The following STK32C variants were observed in gnomAD, a reference collection of about 807,000 sequenced individuals.
The protein encoded by STK32C is serine/threonine-protein kinase 32C.
A neutral mutation model predicts 56.5 loss-of-function variants in STK32C; 31 were observed. That is an observed-to-expected ratio of 0.55 (90% confidence interval 0.41 to 0.74). STK32C has a LOEUF of 0.74. Ranked by LOEUF, STK32C falls within the 30% of genes least tolerant of loss-of-function variation. STK32C has a pLI of 0.00. For synonymous variants in STK32C, 309 were observed against 289.4 expected (o/e 1.07, Z -0.69); for missense variants, 544 against 676.9 (o/e 0.80, Z 2.18).
intron 10 of STK32C, among the ~76,000 whole-genome samples, chr10:132,212,434 A>G (rs1008098977): frequency 1.3e-5 from 2 of 152,344 alleles, no homozygotes; most frequent in East Asian, 1.9e-4. Context: ...AATGAATCAC[A>G]CAGCTAAACG....
chr10:132,331,798 A>G, exon 1 of STK32C: 1 of 1,599,368 alleles, frequency 6.3e-7, no homozygotes, highest in Non-Finnish European at 8.5e-7. Context: ...CGCGGTCTCT[A>G]CTTGCCCGTC....
intron 1 of STK32C, among the ~76,000 whole-genome samples, chr10:132,318,655 A>G (rs185071445): frequency 5.5e-4 from 83 of 152,172 alleles, no homozygotes; most frequent in Non-Finnish European, 1.0e-3. Flanking sequence ...AAAAGAAAAA[A>G]CATTTCACCA....
intron 1 of STK32C, among the ~76,000 whole-genome samples, chr10:132,316,129 A>G (rs2138442512): frequency 6.6e-6 from 1 of 152,342 alleles, no homozygotes; most frequent in African/African-American, 2.4e-5. Flanking sequence ...CAATGTATAC[A>G]TATTCTGAAA....
Position 132,328,123 on chromosome 10 carries a change from G to A in STK32C, c.301+3313C>T, listed in dbSNP as rs185517926. Among the ~76,000 whole-genome samples the A allele has an allele frequency of 2.5e-4, 38 of 152,304 alleles. No homozygotes were observed. In the East Asian group the frequency reaches 5.2e-3, roughly 21 times the overall value. On this transcript the variant is annotated intron_variant, in intron 1 of 1. Transcript: ENST00000368619. ...GGAGAAAGAGTAATTAACGCAGAGC[G>A]GGCTGTGCAGGAGACCGGAGTTCTA...
chr10:132,222,527 G>C, intron 10 of STK32C, 114 bp downstream of exon 10: 3 of 1,353,988 alleles, frequency 2.2e-6, no homozygotes, highest in Non-Finnish European at 3.0e-6. Flanking sequence ...GAAACGGTCT[G>C]CTGGACTTCC....
intron 1 of STK32C, among the ~76,000 whole-genome samples, chr10:132,278,153 C>T (rs918183933): frequency 3.3e-5 from 5 of 152,162 alleles, no homozygotes; most frequent in Non-Finnish European, 5.9e-5. Context: ...CTCAGAGCAG[C>T]TCCACCATCA....
intron 1 of STK32C, among the ~76,000 whole-genome samples, chr10:132,249,739 A>G (rs928622613): frequency 2.0e-4 from 30 of 152,104 alleles, no homozygotes; most frequent in African/African-American, 7.2e-4. Context: ...CCAGCCCCAA[A>G]GGCTCCAAAC....
chr10:132,268,482 GGT>G (rs1167829022), intron 1 of STK32C, among the ~76,000 whole-genome samples: 290 of 103,484 alleles, frequency 2.8e-3, no homozygotes, highest in African/African-American at 8.7e-3. Context: ...TGTGTGTGTC[GGT>G]GTGTGTGCAT....
At chr10:132,234,595 C>T (rs989990761) in intron 2 of STK32C, among the ~76,000 whole-genome samples, 2 of 152,236 alleles carry the variant, frequency 1.3e-5, no homozygotes, top group Non-Finnish European at 2.9e-5. Context: ...TCTGTATGGC[C>T]CCTTCTGAGC....
At chr10:132,329,373 C>T (rs1186248795) in intron 1 of STK32C, among the ~76,000 whole-genome samples, 5 of 152,250 alleles carry the variant, frequency 3.3e-5, no homozygotes, top group Middle Eastern at 3.4e-3. Context: ...GAGATCACAC[C>T]GCTGAACTCC....
intron 10 of STK32C, among the ~76,000 whole-genome samples, chr10:132,214,755 C>A (rs182950854): frequency 2.6e-5 from 4 of 152,260 alleles, no homozygotes; most frequent in African/African-American, 7.2e-5. Context: ...CGAGAGGTGC[C>A]GTCACAAGGC....
chr10:132,237,385 G>A (rs957187252), intron 2 of STK32C, among the ~76,000 whole-genome samples: 2 of 152,250 alleles, frequency 1.3e-5, no homozygotes, highest in Non-Finnish European at 2.9e-5. Context: ...ATGAGAAAAT[G>A]GATATGAAAG....
At chr10:132,330,050 C>A (rs1015100924) in intron 1 of STK32C, among the ~76,000 whole-genome samples, 1 of 152,166 alleles carries the variant, frequency 6.6e-6, no homozygotes, top group Non-Finnish European at 1.5e-5. Context: ...AGCTCCACAG[C>A]CACTCAATAA....
chr10:132,321,110 G>T (rs1012154932), downstream of STK32C, among the ~76,000 whole-genome samples: 1 of 152,202 alleles, frequency 6.6e-6, no homozygotes, highest in Non-Finnish European at 1.5e-5. Flanking sequence ...GGCCTGACTG[G>T]TCAAAGGGAT....
chr10:132,276,607 C>G (rs748093309), intron 1 of STK32C, among the ~76,000 whole-genome samples: 1 of 143,850 alleles, frequency 7.0e-6, no homozygotes, highest in African/African-American at 2.7e-5. Context: ...CACAGCAAGA[C>G]CCCCATCTCT....
In STK32C at chr10:132,225,690, T is replaced by C. The variant is rs370952269; in HGVS notation, c.682+57A>G. The C allele has an allele frequency of 6.1e-5, 98 of 1,611,964 alleles. No individual in the cohort carries two copies. The African/African-American group carries it at 1.2e-3, about 20-fold the overall frequency. On this transcript the variant is annotated intron_variant, in intron 5 of 11. Transcript: ENST00000298630. ...CCTTGCGTGCAGGATCCTCCTCCCCTGACAGGCCCATCCCTGCCACCACCC... is the reference window on the plus strand; with the variant it reads ...CCTTGCGTGCAGGATCCTCCTCCCCCGACAGGCCCATCCCTGCCACCACCC...
chr10:132,277,750 T>C (rs1023715884), intron 1 of STK32C, among the ~76,000 whole-genome samples: 1 of 152,304 alleles, frequency 6.6e-6, no homozygotes. Flanking sequence ...CTGAGTCCCT[T>C]GCACAGACAA....
intron 10 of STK32C, among the ~76,000 whole-genome samples, chr10:132,211,403 T>C (rs1590128264): frequency 6.6e-6 from 1 of 152,144 alleles, no homozygotes; most frequent in African/African-American, 2.4e-5. Flanking sequence ...GCAGGGGCTG[T>C]TGGTCATCCT....
intron 8 of STK32C, 66 bp downstream of exon 8, chr10:132,224,341 C>G (rs1053015265): frequency 8.2e-7 from 1 of 1,223,120 alleles, no homozygotes; most frequent in African/African-American, 1.5e-5. Context: ...GTGTCCCGAG[C>G]CGCAGGTAAG....
Sources: gnomAD v4.1 joint callset for allele counts (sites outside exome capture counted in the v4.1 genomes callset) on GRCh38, gnomAD v4.1.1 for gene constraint, MANE v1.5 for transcripts, NCBI Gene and HGNC (gene_info 2026-07-23, HGNC 2026-07-21) for gene names.